Variants in MDGA2 observed in about 807,000 individuals in gnomAD.
MDGA2 encodes MAM domain-containing glycosylphosphatidylinositol anchor protein 2.
A neutral mutation model predicts 117.8 loss-of-function variants in MDGA2; 40 were observed. The observed-to-expected ratio is 0.34, with a 90% CI of 0.26 to 0.44. The LOEUF (loss-of-function observed/expected upper bound fraction) is 0.44. MDGA2 is among the 20% of genes least tolerant of loss of function. The pLI, the probability that MDGA2 is intolerant of heterozygous loss-of-function variation, is 1.00. For synonymous variants in MDGA2, 452 were observed against 439.0 expected (o/e 1.03, Z -0.37); for missense variants, 1,123 against 1,250.6 (o/e 0.90, Z 1.54).
At chr14:47,417,597 C>T (rs1892500192) in intron 1 of MDGA2, among the ~76,000 whole-genome samples, 1 of 152,164 alleles carries the variant, frequency 6.6e-6, no homozygotes, top group Non-Finnish European at 1.5e-5. Flanking sequence ...GCAATGTAGG[C>T]TTTTTCTAGC....
intron 3 of MDGA2, among the ~76,000 whole-genome samples, chr14:47,176,935 G>A (rs1594697971): frequency 1.3e-5 from 2 of 152,028 alleles, no homozygotes; most frequent in East Asian, 3.9e-4. Context: ...AATCTACAAT[G>A]AACTCAAACA....
intron 8 of MDGA2, among the ~76,000 whole-genome samples, chr14:47,024,207 T>C (rs1464548335): frequency 6.6e-6 from 1 of 152,188 alleles, no homozygotes; most frequent in African/African-American, 2.4e-5. Context: ...ATTGAATGAT[T>C]GATTGTAACT....
chr14:47,271,795 T>G (rs1332238990), intron 2 of MDGA2, among the ~76,000 whole-genome samples: 2 of 152,196 alleles, frequency 1.3e-5, no homozygotes, highest in Non-Finnish European at 2.9e-5. Flanking sequence ...TATCAAATAT[T>G]CATTCCTTAT....
At chr14:46,980,413 T>C (rs1393872352) in intron 8 of MDGA2, among the ~76,000 whole-genome samples, 2 of 152,312 alleles carry the variant, frequency 1.3e-5, no homozygotes, top group African/African-American at 2.4e-5. Context: ...TTTCTTGAGA[T>C]AGAATCTACT....
intron 1 of MDGA2, among the ~76,000 whole-genome samples, chr14:47,526,234 T>C (rs1456699989): frequency 6.6e-6 from 1 of 152,216 alleles, no homozygotes; most frequent in African/African-American, 2.4e-5. Flanking sequence ...TTTGTGGTCA[T>C]CTGAACCTGT....
At chr14:46,965,991 TTATTA>T (rs981506787) in intron 8 of MDGA2, among the ~76,000 whole-genome samples, 16 of 143,122 alleles carry the variant, frequency 1.1e-4, no homozygotes, top group African/African-American at 4.2e-4. Context: ...GACTCTTATA[TTATTA>T]TATTATACAA....
At chr14:47,524,164 C>T (rs1040654754) in intron 1 of MDGA2, among the ~76,000 whole-genome samples, 7 of 152,076 alleles carry the variant, frequency 4.6e-5, no homozygotes, top group Non-Finnish European at 5.9e-5. Context: ...CAAACTACAA[C>T]GTAAGCCAAC....
intron 1 of MDGA2, among the ~76,000 whole-genome samples, chr14:47,673,016 G>A (rs1024878562): frequency 1.3e-5 from 2 of 152,098 alleles, no homozygotes; most frequent in African/African-American, 4.8e-5. Flanking sequence ...TGGGAAGGAG[G>A]GGTTGGGAGA....
At chr14:47,121,893 C>A (rs572616872) in intron 5 of MDGA2, among the ~76,000 whole-genome samples, 1 of 152,060 alleles carries the variant, frequency 6.6e-6, no homozygotes, top group South Asian at 2.1e-4. Flanking sequence ...CCAGAAATAA[C>A]TTGTCAGTTA....
intron 3 of MDGA2, among the ~76,000 whole-genome samples, chr14:47,197,625 T>C (rs1016847116): frequency 6.6e-6 from 1 of 152,170 alleles, no homozygotes; most frequent in Non-Finnish European, 1.5e-5. Context: ...AAAAAAGTAC[T>C]GTAGGCTGGG....
chr14:47,261,123 G>A (rs189101499), intron 2 of MDGA2, among the ~76,000 whole-genome samples: 11 of 152,168 alleles, frequency 7.2e-5, no homozygotes, highest in South Asian at 2.1e-4. Context: ...GAAAAACATC[G>A]TTAGGAAGGA....
chr14:46,969,843 T>A (rs1473495027), intron 8 of MDGA2, among the ~76,000 whole-genome samples: 4 of 150,066 alleles, frequency 2.7e-5, no homozygotes, highest in Non-Finnish European at 4.4e-5. Context: ...AAATGATGAG[T>A]TAATGGGTGC....
At chr14:47,034,019 T>A (rs1888753354) in intron 8 of MDGA2, among the ~76,000 whole-genome samples, 1 of 152,228 alleles carries the variant, frequency 6.6e-6, no homozygotes, top group South Asian at 2.1e-4. Context: ...AATGACATCG[T>A]TTATTGAAGT....
intron 1 of MDGA2, among the ~76,000 whole-genome samples, chr14:47,544,967 T>C (rs1305397298): frequency 6.6e-6 from 1 of 152,202 alleles, no homozygotes; most frequent in East Asian, 1.9e-4. Flanking sequence ...GATACCAAGG[T>C]AAGTGAGTAT....
rs112662226 is a variant in MDGA2, at chr14:46,970,907, T to C, written c.1820-13264A>G. On this transcript the variant is annotated intron_variant, in intron 8 of 16. Coordinates refer to ENST00000399232, the MANE Select transcript of MDGA2 (RefSeq NM_001113498.3). ...AATAGATATTTCTCAAAAGAAGACA[T>C]AAAAAATGGCCAACAGGTATCTGAA... 1.8e-4 allele frequency among the ~76,000 whole-genome samples: 28 copies of C among 151,992 alleles called. 1 individual carries two copies. Among genetic ancestry groups the C allele is most frequent in the African/African-American group, 6.3e-4 (26 of 41,506 alleles).
chr14:47,673,271 T>C (rs1374379804), intron 1 of MDGA2, among the ~76,000 whole-genome samples: 1 of 152,174 alleles, frequency 6.6e-6, no homozygotes, highest in Non-Finnish European at 1.5e-5. Flanking sequence ...CAGGATTCAC[T>C]GGCACCTGTG....
At chr14:47,351,930 CACACACACAA>C (rs1241741077) in intron 1 of MDGA2, among the ~76,000 whole-genome samples, 5 of 141,320 alleles carry the variant, frequency 3.5e-5, no homozygotes, top group African/African-American at 1.3e-4. Context: ...CACACACACA[CACACACACAA>C]ACATATATAT....
intron 1 of MDGA2, among the ~76,000 whole-genome samples, chr14:47,389,447 A>G (rs989586481): frequency 6.6e-6 from 1 of 152,198 alleles, no homozygotes; most frequent in African/African-American, 2.4e-5. Flanking sequence ...TAAATGGCAT[A>G]CATGTAGAAT....
chr14:47,627,132 T>C (rs1034431082), intron 1 of MDGA2, among the ~76,000 whole-genome samples: 1 of 151,966 alleles, frequency 6.6e-6, no homozygotes, highest in African/African-American at 2.4e-5. Flanking sequence ...AGCTAAGGGA[T>C]TGTAAATACA....
Sources: allele counts gnomAD v4.1 joint callset (sites outside exome capture counted in the v4.1 genomes callset), GRCh38; gene constraint gnomAD v4.1.1; transcripts MANE v1.5; gene names NCBI Gene and HGNC (gene_info 2026-07-23, HGNC 2026-07-21).